The following MSH3 variants were observed in gnomAD, a reference collection of about 807,000 sequenced individuals.
MSH3 encodes the protein mutS homolog 3, also known as DNA mismatch repair protein Msh3.
In MSH3, 106 loss-of-function variants were observed where a neutral mutation model predicts 123.3. The observed-to-expected ratio is 0.86, with a 90% CI of 0.73 to 1.01. MSH3 has a LOEUF of 1.01. MSH3 is among the 50% of genes least tolerant of loss of function. The pLI, the probability that MSH3 is intolerant of heterozygous loss-of-function variation, is 0.00. For synonymous variants in MSH3, 515 were observed against 481.4 expected, an observed-to-expected ratio of 1.07 and a Z score of -0.91; for missense variants, 1,459 against 1,347.6, an observed-to-expected ratio of 1.08 and a Z score of -1.29.
At chr5:80,667,131 T>C (rs1411352321) in intron 3 of MSH3, among the ~76,000 whole-genome samples, 1 of 152,206 alleles carries the variant, frequency 6.6e-6, no homozygotes, top group Admixed American at 6.5e-5. Flanking sequence ...TTTAGATTGA[T>C]TTAATTGTTA....
chr5:80,712,663 A>G (rs1750882259), intron 8 of MSH3, among the ~76,000 whole-genome samples: 1 of 142,962 alleles, frequency 7.0e-6, no homozygotes, highest in African/African-American at 2.6e-5. Context: ...TAGCCCTTTA[A>G]TATGTCAGAT....
chr5:80,739,914 T>G (rs188400424), intron 10 of MSH3, among the ~76,000 whole-genome samples: 171 of 152,358 alleles, frequency 1.1e-3, no homozygotes, highest in African/African-American at 3.9e-3. Context: ...GCTTGTTTTC[T>G]TAACTCGGGA....
intron 8 of MSH3, among the ~76,000 whole-genome samples, chr5:80,711,890 G>C (rs1247019236): frequency 6.6e-6 from 1 of 152,100 alleles, no homozygotes; most frequent in Admixed American, 6.5e-5. Context: ...CTGACCTCAA[G>C]TGATCCACCT....
chr5:80,802,211 A>C (rs1367815130), intron 19 of MSH3, among the ~76,000 whole-genome samples: 1 of 151,774 alleles, frequency 6.6e-6, no homozygotes, highest in East Asian at 1.9e-4. Flanking sequence ...TTTTATATAA[A>C]AATTTTTATA....
intron 3 of MSH3, among the ~76,000 whole-genome samples, chr5:80,668,945 T>G: frequency 6.6e-6 from 1 of 152,214 alleles, no homozygotes; most frequent in Non-Finnish European, 1.5e-5. Context: ...CTGTGGAGCA[T>G]GCAGCCCTGG....
chr5:80,864,206 T>C (rs1217603478), intron 21 of MSH3, among the ~76,000 whole-genome samples: 2 of 152,112 alleles, frequency 1.3e-5, no homozygotes, highest in Non-Finnish European at 2.9e-5. Flanking sequence ...ACCCCTTAGG[T>C]AGGAATTTGG....
intron 8 of MSH3, among the ~76,000 whole-genome samples, chr5:80,707,557 T>TAA (rs879781172): frequency 7.2e-6 from 1 of 138,786 alleles, no homozygotes; most frequent in African/African-American, 2.7e-5. Flanking sequence ...ACCCTGGCTC[T>TAA]AAAAAAAAAA....
Position 80,832,097 on chromosome 5 carries a change from G to A in MSH3, c.2813+18356G>A, listed in dbSNP as rs1454137713. 2.0e-5 allele frequency among the ~76,000 whole-genome samples: 3 copies of A among 150,106 alleles called. No individual in the cohort carries two copies. The East Asian group carries it at 6.0e-4, about 30-fold the overall frequency. ...TGCACTCCAGCCTGGGCGACAAGGC[G>A]AGACTCCTTCTCAAAAAACAAAAAA... On this transcript the variant is annotated intron_variant, in intron 20 of 23. Coordinates refer to ENST00000265081, the MANE Select transcript of MSH3 (RefSeq NM_002439.5).
rs760083496 is a variant in MSH3 at position 80,672,354 on chromosome 5, A to G, written c.903A>G (p.Gly301=). Residue 301 remains glycine (G), a synonymous_variant, in exon 5 of 24, where the codon GGA becomes GGG. Coordinates refer to ENST00000265081, the MANE Select transcript of MSH3 (RefSeq NM_002439.5). ...ATGTACGCCGCCTGGTGGCAAAAGGATATAAGGTCAGCTTTGGCTTTAACT... is the reference window on the plus strand; with the variant it reads ...ATGTACGCCGCCTGGTGGCAAAAGGGTATAAGGTCAGCTTTGGCTTTAACT... The part of the protein sequence containing the change: ...FVHVRRLVAK[G]YKVGVVKQTE... 3 of 1,608,716 alleles carry G rather than the reference A, an allele frequency of 1.9e-6. No individual in the cohort carries two copies. The African/African-American group carries it at 4.0e-5, about 22-fold the overall frequency.
At chr5:80,813,217 G>A (rs1445027791) in intron 19 of MSH3, among the ~76,000 whole-genome samples, 1 of 152,126 alleles carries the variant, frequency 6.6e-6, no homozygotes, top group East Asian at 1.9e-4. Flanking sequence ...AGGGCCATGG[G>A]CAAATAGATA....
rs139332773 is a variant in MSH3 at position 80,775,901 on chromosome 5, T to C, written c.2318+143T>C. On this transcript the variant is annotated intron_variant, in intron 16 of 23. Coordinates refer to ENST00000265081, the MANE Select transcript of MSH3 (RefSeq NM_002439.5). Reference sequence around the variant, plus strand: ...TTTTTCTGATGGAACTTTTTTTTTTTTTGGAGGGGATGTAGTCTTGCTCTG... The same window carrying C: ...TTTTTCTGATGGAACTTTTTTTTTTCTTGGAGGGGATGTAGTCTTGCTCTG... The C allele has an allele frequency of 1.3e-3, 805 of 614,682 alleles. 8 individuals carry two copies. The East Asian group carries it at 0.022, about 17-fold the overall frequency. The allele number at this position is 614,682 out of a possible 1,614,324, so 38.1% of individuals were successfully genotyped here.
At chr5:80,803,355 G>C (rs1744825977) in intron 19 of MSH3, among the ~76,000 whole-genome samples, 2 of 151,846 alleles carry the variant, frequency 1.3e-5, no homozygotes, top group South Asian at 4.1e-4. Context: ...TCATATGCCT[G>C]TTGTTTGTAT....
At chr5:80,722,930 C>G (rs1401279104) in intron 8 of MSH3, among the ~76,000 whole-genome samples, 2 of 151,918 alleles carry the variant, frequency 1.3e-5, no homozygotes, top group Non-Finnish European at 2.9e-5. Context: ...CATGGCGAAA[C>G]CCTGTATCTA....
chr5:80,784,789 G>T (rs1744474581), intron 17 of MSH3, among the ~76,000 whole-genome samples: 2 of 152,258 alleles, frequency 1.3e-5, no homozygotes, highest in African/African-American at 4.8e-5. Flanking sequence ...AACACTGTTG[G>T]TGGGAATCGT....
chr5:80,700,927 G>T (rs1314301044), intron 8 of MSH3, among the ~76,000 whole-genome samples: 1 of 152,196 alleles, frequency 6.6e-6, no homozygotes, highest in African/African-American at 2.4e-5. Context: ...GGAAGCAATT[G>T]TGTGAGGTGT....
intron 15 of MSH3, among the ~76,000 whole-genome samples, chr5:80,774,463 A>G (rs914482019): frequency 2.0e-5 from 3 of 152,150 alleles, no homozygotes; most frequent in Non-Finnish European, 2.9e-5. Flanking sequence ...TGCTAGGTAT[A>G]TATCCCAAAG....
intron 14 of MSH3, 48 bp from the exon 15 acceptor site, chr5:80,768,787 T>A: frequency 6.8e-7 from 1 of 1,466,610 alleles, no homozygotes; most frequent in Non-Finnish European, 9.5e-7. Flanking sequence ...CGATAACTGC[T>A]GTAATTAATA....
intron 17 of MSH3, among the ~76,000 whole-genome samples, 196 bp downstream of exon 17, chr5:80,779,032 C>T (rs1361834627): frequency 6.7e-6 from 1 of 149,592 alleles, no homozygotes; most frequent in Non-Finnish European, 1.5e-5. Context: ...TGCTTTGTCA[C>T]CGAGGCTGGA....
intron 20 of MSH3, among the ~76,000 whole-genome samples, chr5:80,847,545 C>T (rs928301225): frequency 3.3e-5 from 5 of 152,138 alleles, no homozygotes; most frequent in Admixed American, 2.0e-4. Flanking sequence ...GTATTACATT[C>T]AATGTAGATA....
Sources: allele counts gnomAD v4.1 joint callset (sites outside exome capture counted in the v4.1 genomes callset), GRCh38; gene constraint gnomAD v4.1.1; transcripts MANE v1.5; gene names NCBI Gene and HGNC (gene_info 2026-07-23, HGNC 2026-07-21).